Variants in ZNF618 observed in about 807,000 individuals in gnomAD.
The protein encoded by ZNF618 is neural precursor cell expressed, developmentally down-regulated 10.
ZNF618 carries 34 observed loss-of-function variants against 103.0 expected under a neutral mutation model. That is an observed-to-expected ratio of 0.33 (90% confidence interval 0.25 to 0.44). The LOEUF (loss-of-function observed/expected upper bound fraction) is 0.44. Ranked by LOEUF, ZNF618 falls within the 20% of genes least tolerant of loss-of-function variation. The pLI, the probability that ZNF618 is intolerant of heterozygous loss-of-function variation, is 1.00. For synonymous variants in ZNF618, 551 were observed against 542.2 expected, an observed-to-expected ratio of 1.02 and a Z score of -0.23; for missense variants, 1,059 against 1,295.4, an observed-to-expected ratio of 0.82 and a Z score of 2.80.
At chr9:113,959,923 A>G (rs1041504480) in intron 1 of ZNF618, among the ~76,000 whole-genome samples, 9 of 152,218 alleles carry the variant, frequency 5.9e-5, no homozygotes, top group Middle Eastern at 3.4e-3. Flanking sequence ...TCTCCTTTAA[A>G]CGTCGTGACT....
At position 113,878,784 on chromosome 9, in the gene ZNF618, G is replaced by C. The variant is rs541986446; in HGVS notation, c.33+2371G>C. Among the ~76,000 whole-genome samples the C allele has an allele frequency of 3.9e-4, 60 of 152,266 alleles. 2 individuals are homozygous for C. The South Asian group carries it at 0.012, about 32-fold the overall frequency. ...CTTTTGCCAGCCACTAGCTGGTCTT[G>C]GGAAAACTGGTGGCCCCAGTCCATA... On this transcript the variant is annotated intron_variant, in intron 1 of 14. Transcript: ENST00000374126.
chr9:113,972,193 A>G (rs1838034329), intron 2 of ZNF618, among the ~76,000 whole-genome samples: 1 of 152,128 alleles, frequency 6.6e-6, no homozygotes. Flanking sequence ...GACTACAGGC[A>G]TGCAGCACTA....
intron 1 of ZNF618, among the ~76,000 whole-genome samples, chr9:113,896,909 A>G (rs80249973): frequency 2.3e-3 from 355 of 152,178 alleles, no homozygotes; most frequent in Middle Eastern, 6.8e-3. Context: ...TGGATTTTCT[A>G]ATTTTTATAG....
chr9:114,048,062 C>T lies in ZNF618; in HGVS notation c.1348+68C>T, dbSNP rs77314238. 1,529 of 1,312,504 alleles carry T rather than the reference C, an allele frequency of 1.2e-3. 11 individuals carry two copies. In the African/African-American group the frequency reaches 0.021, roughly 18 times the overall value. The allele number at this position is 1,312,504 out of a possible 1,614,324, so 81.3% of individuals were successfully genotyped here. On this transcript the variant is annotated intron_variant, in intron 14 of 14. Coordinates refer to ENST00000374126, the MANE Select transcript of ZNF618 (RefSeq NM_001318042.2). ...GCTCCAGTTGTTCCTCTCTGCCCCC[C>T]ATTCCCACCATTTGTGCTTCCTGTG... is the stretch of plus-strand genomic sequence containing the variant.
At chr9:113,988,187 G>A in intron 2 of ZNF618, 134 bp from the exon 3 acceptor site, 1 of 1,203,134 alleles carries the variant, frequency 8.3e-7, no homozygotes, top group South Asian at 1.7e-5. Context: ...GGGTTGTGTG[G>A]GAGGCTAAGG....
intron 9 of ZNF618, among the ~76,000 whole-genome samples, chr9:114,011,389 G>A (rs570200799): frequency 3.9e-5 from 6 of 152,324 alleles, no homozygotes; most frequent in Admixed American, 1.3e-4. Flanking sequence ...GACAGCCAAC[G>A]CCAGGACCTG....
chr9:113,955,146 C>CTTTTT (rs3034066), intron 1 of ZNF618, among the ~76,000 whole-genome samples: 1 of 130,552 alleles, frequency 7.7e-6, no homozygotes, highest in Non-Finnish European at 1.6e-5. Flanking sequence ...AGTGACTTCT[C>CTTTTT]TTTTTTTTTT....
chr9:114,034,389 C>T (rs990597368), intron 12 of ZNF618, among the ~76,000 whole-genome samples: 1 of 152,154 alleles, frequency 6.6e-6, no homozygotes, highest in African/African-American at 2.4e-5. Context: ...CGTCCCCTGC[C>T]CCCAGAGCTA....
chr9:114,047,433 TA>T (rs34599331), intron 13 of ZNF618, among the ~76,000 whole-genome samples: 3 of 152,208 alleles, frequency 2.0e-5, no homozygotes, highest in South Asian at 2.1e-4. Flanking sequence ...TAAATATACT[TA>T]AAAAATGCAA....
intron 1 of ZNF618, among the ~76,000 whole-genome samples, chr9:113,877,705 T>A (rs1413866700): frequency 6.6e-6 from 1 of 152,078 alleles, no homozygotes. Context: ...GTTTTCTGAT[T>A]TTGTTTCCTG....
chr9:114,055,844 A>G lies in ZNF618; in HGVS notation c.*5677A>G, dbSNP rs1846450969. 1 of 152,474 alleles carries G rather than the reference A, an allele frequency of 6.6e-6. No homozygotes were observed. Among genetic ancestry groups the G allele is most frequent in the African/African-American group, 2.4e-5 (1 of 41,396 alleles). The allele number at this position is 152,474 out of a possible 1,614,324, so 9.4% of individuals were successfully genotyped here. A position where few individuals can be genotyped will look rare whatever the true frequency, so the allele number is the denominator to read the frequency against. On this transcript the variant is annotated 3_prime_UTR_variant, in exon 15 of 15. Transcript: ENST00000374126. The stretch of plus-strand genomic sequence containing the variant: ...AAGTTTTATGTGTTTAATATTTCTT[A>G]ATACCGGTAGCATTAATTTATACTT...
At chr9:113,956,808 G>A (rs1371045175) in intron 1 of ZNF618, among the ~76,000 whole-genome samples, 1 of 152,160 alleles carries the variant, frequency 6.6e-6, no homozygotes, top group South Asian at 2.1e-4. Context: ...TTAATAAGTG[G>A]TAGTAATTAT....
intron 12 of ZNF618, 123 bp from the exon 13 acceptor site, chr9:114,036,177 G>A (rs1844581874): frequency 4.8e-6 from 4 of 833,604 alleles, no homozygotes; most frequent in South Asian, 1.7e-5. Context: ...GGCTGGGCCC[G>A]GAGCCCTGAG....
Position 114,029,682 on chromosome 9 carries a change from T to A in ZNF618, c.1084+710T>A, listed in dbSNP as rs541239664. ...AGGATCTGCTCTGAACAAAGCAGGA[T>A]AAGCCGGATGGTTGACCTAGATCTC... is the stretch of plus-strand genomic sequence containing the variant. On this transcript the variant is annotated intron_variant, in intron 11 of 14. Transcript: ENST00000374126. Among the ~76,000 whole-genome samples, 13 of 152,254 alleles carry A rather than the reference T, an allele frequency of 8.5e-5. 1 individual carries two copies. The South Asian group carries it at 2.7e-3, about 32-fold the overall frequency.
chr9:113,991,233 C>A (rs1840029602), intron 3 of ZNF618, among the ~76,000 whole-genome samples: 1 of 152,258 alleles, frequency 6.6e-6, no homozygotes, highest in Non-Finnish European at 1.5e-5. Context: ...TGCTCAGCAG[C>A]AGGGTCCTTG....
At chr9:113,995,668 A>G (rs1032200130) in intron 3 of ZNF618, among the ~76,000 whole-genome samples, 2 of 152,094 alleles carry the variant, frequency 1.3e-5, no homozygotes, top group African/African-American at 4.8e-5. Flanking sequence ...GATATTTTTA[A>G]TGGTCTCTTC....
intron 1 of ZNF618, among the ~76,000 whole-genome samples, chr9:113,904,118 A>G (rs964847312): frequency 7.4e-6 from 1 of 134,488 alleles, no homozygotes; most frequent in African/African-American, 2.8e-5. Context: ...TTTCTGTTTC[A>G]TTGTTAATAA....
chr9:113,951,533 G>GTATACA (rs1477057413), intron 1 of ZNF618, among the ~76,000 whole-genome samples: 23,547 of 82,690 alleles, frequency 0.28, 8,271 homozygotes, highest in Admixed American at 0.36. Flanking sequence ...ACACATATGT[G>GTATACA]TGTACATATG....
intron 1 of ZNF618, among the ~76,000 whole-genome samples, chr9:113,899,308 T>TC (rs1333388142): frequency 6.6e-6 from 1 of 152,090 alleles, no homozygotes; most frequent in Non-Finnish European, 1.5e-5. Flanking sequence ...CATTTCCCCT[T>TC]CCCCCAGTCC....
Sources: gnomAD v4.1 joint callset for allele counts (sites outside exome capture counted in the v4.1 genomes callset) on GRCh38, gnomAD v4.1.1 for gene constraint, MANE v1.5 for transcripts, NCBI Gene and HGNC (gene_info 2026-07-23, HGNC 2026-07-21) for gene names.